FBXO16: variants seen among roughly 807,000 people sequenced by gnomAD.
The protein encoded by FBXO16 is F-box protein 16.
Under a neutral mutation model 41.0 loss-of-function variants are expected in FBXO16, and 31 were observed. The ratio of observed to expected loss-of-function variants is 0.76; its 90% CI spans 0.57 to 1.02. FBXO16 has a LOEUF of 1.02. FBXO16 is among the 50% of genes least tolerant of loss of function. The pLI is 0.00. For synonymous variants in FBXO16, 133 were observed against 117.8 expected (o/e 1.13, Z -0.84); for missense variants, 361 against 346.2 (o/e 1.04, Z -0.34).
At chr8:28,489,525 CAA>C (rs3049787) in intron 1 of FBXO16, among the ~76,000 whole-genome samples, 1,807 of 128,134 alleles carry the variant, frequency 0.014, 26 homozygotes, top group African/African-American at 0.042. Flanking sequence ...CCTATCTCTA[CAA>C]AAAAAAAAAA....
rs777968638 is a variant in FBXO16, at chr8:28,452,312, C to A, written c.672G>T (p.Lys224Asn). Residue 224 changes from lysine to asparagine, a missense_variant, in exon 6 of 9, where the codon AAG (lysine) becomes AAT (asparagine). Lys to Asn is a moderately conservative substitution (Grantham distance 94). Transcript: ENST00000380254. Reference protein sequence around the residue: ...KALPPWRSSDKHPTDIIRFNY... With the variant: ...KALPPWRSSDNHPTDIIRFNY... The stretch of plus-strand genomic sequence containing the variant: ...TAAAACGAATGATATCTGTTGGGTG[C>A]TTATCAGAAGATCGCCAGGGTGGAA... The A allele has an allele frequency of 6.2e-7, 1 of 1,614,172 alleles. No individual in the cohort carries two copies. Among genetic ancestry groups the A allele is most frequent in the Non-Finnish European group, 8.5e-7 (1 of 1,180,032 alleles).
Position 28,463,741 on chromosome 8 carries a change from CT to C in FBXO16, c.212del (p.Lys71SerfsTer61). On this transcript the variant is annotated frameshift_variant, in exon 4 of 9. Coordinates refer to ENST00000380254, the MANE Select transcript of FBXO16 (RefSeq NM_172366.4). LOFTEE classifies it high-confidence loss of function. ...LLERCSLSQQ[K>X]FCCRKLQEKI... Reference sequence around the variant, plus strand: ...TCTCTTGAAGCTTTCGACAGCAGAACTTTTGCTGGGACAGCGAGCAGCGCTC... The same window carrying C: ...TCTCTTGAAGCTTTCGACAGCAGAACTTTGCTGGGACAGCGAGCAGCGCTC... 6.2e-7 allele frequency: 1 copy of C among 1,614,208 alleles called. No homozygotes were observed. Among genetic ancestry groups the C allele is most frequent in the Middle Eastern group, 1.7e-4 (1 of 6,060 alleles).
intron 1 of FBXO16, among the ~76,000 whole-genome samples, chr8:28,488,534 G>A (rs1803639516): frequency 6.6e-6 from 1 of 151,136 alleles, no homozygotes; most frequent in South Asian, 2.1e-4. Flanking sequence ...AAACTTCTGG[G>A]CTCAAGCAAT....
chr8:28,428,589 T>A lies in FBXO16; in HGVS notation c.*138A>T. The A allele has an allele frequency of 6.4e-7, 1 of 1,551,126 alleles. No individual in the cohort carries two copies. Among genetic ancestry groups the A allele is most frequent in the Non-Finnish European group, 8.7e-7 (1 of 1,146,958 alleles). ...GTCCACTTTGGCTCTGGAACCTGGA[T>A]GAGTCATGCTTGGGGCCCAGGGTGC... On this transcript the variant is annotated 3_prime_UTR_variant, in exon 9 of 9. Coordinates refer to ENST00000380254, the MANE Select transcript of FBXO16 (RefSeq NM_172366.4).
chr8:28,448,912 G>A (rs1054739231), intron 6 of FBXO16: 2 of 152,176 alleles, frequency 1.3e-5, no homozygotes, highest in Non-Finnish European at 2.9e-5. Context: ...GAGACCATAT[G>A]CCCTGCAAAG....
chr8:28,463,172 G>A lies in FBXO16; in HGVS notation c.342+440C>T, dbSNP rs183102797. On this transcript the variant is annotated intron_variant, in intron 4 of 8. Coordinates refer to ENST00000380254, the MANE Select transcript of FBXO16 (RefSeq NM_172366.4). ...TATGTTTGTGTGTGTATGTGTGTTT[G>A]TGTGTGTATATGTGTGTATGTTTGT... Among the ~76,000 whole-genome samples, 199 of 151,952 alleles carry A rather than the reference G, an allele frequency of 1.3e-3. 1 individual carries two copies. Among genetic ancestry groups the A allele is most frequent in the African/African-American group, 4.5e-3 (188 of 41,436 alleles).
chr8:28,480,135 G>T (rs1191381211), intron 2 of FBXO16, among the ~76,000 whole-genome samples: 1 of 151,796 alleles, frequency 6.6e-6, no homozygotes, highest in African/African-American at 2.4e-5. Context: ...GTTTCTCCTG[G>T]TCCGTCTATT....
intron 7 of FBXO16, 55 bp downstream of exon 7, chr8:28,447,116 A>G: frequency 3.4e-6 from 5 of 1,478,978 alleles, no homozygotes; most frequent in Non-Finnish European, 4.7e-6. Flanking sequence ...AGGATTAGAG[A>G]TCTGGAGATT....
chr8:28,428,474 G>GA lies in FBXO16; in HGVS notation c.*252dup, dbSNP rs1802559377. Reference sequence around the variant, plus strand: ...CACTACCACAATAAGTACTTAAGCTGAAAGAGTTTCTAATGGGAGCCAAGT... The same window carrying GA: ...CACTACCACAATAAGTACTTAAGCTGAAAAGAGTTTCTAATGGGAGCCAAGT... On this transcript the variant is annotated 3_prime_UTR_variant, in exon 9 of 9. Transcript: ENST00000380254. 3.8e-6 allele frequency: 5 copies of GA among 1,306,078 alleles called. No homozygotes were observed. The East Asian group carries it at 1.3e-4, about 34-fold the overall frequency. 80.9% of individuals were successfully genotyped at this position (1,306,078 alleles called of 1,614,324 possible). A position where few individuals can be genotyped will look rare whatever the true frequency, so the allele number is the denominator to read the frequency against.
intron 4 of FBXO16, among the ~76,000 whole-genome samples, chr8:28,458,708 A>G (rs1161209965): frequency 6.6e-6 from 1 of 151,902 alleles, no homozygotes; most frequent in Non-Finnish European, 1.5e-5. Flanking sequence ...ATGCGCCACT[A>G]TGCCCATCTA....
At chr8:28,458,235 T>C (rs1037071105) in intron 4 of FBXO16, among the ~76,000 whole-genome samples, 4 of 152,350 alleles carry the variant, frequency 2.6e-5, no homozygotes, top group East Asian at 1.9e-4. Context: ...CCACCATTTA[T>C]TGAGTTCCTA....
intron 3 of FBXO16, among the ~76,000 whole-genome samples, chr8:28,470,958 A>G (rs1169861072): frequency 1.3e-5 from 2 of 152,182 alleles, no homozygotes; most frequent in Admixed American, 1.3e-4. Context: ...AAAATGGGTT[A>G]TTATGTTACT....
chr8:28,439,594 C>G (rs1449563648), intron 7 of FBXO16, among the ~76,000 whole-genome samples: 1 of 151,804 alleles, frequency 6.6e-6, no homozygotes, highest in Admixed American at 6.6e-5. Flanking sequence ...CCCCAAAAAC[C>G]ACAATTAGCC....
chr8:28,443,404 C>T (rs76113910), intron 7 of FBXO16, among the ~76,000 whole-genome samples: 3 of 152,010 alleles, frequency 2.0e-5, no homozygotes, highest in Non-Finnish European at 4.4e-5. Context: ...TGATATTAGG[C>T]GTGAGGAATC....
intron 7 of FBXO16, among the ~76,000 whole-genome samples, chr8:28,446,176 C>CTTTTTTTTTTTTTT (rs11421643): frequency 2.4e-5 from 2 of 83,080 alleles, no homozygotes; most frequent in Non-Finnish European, 4.3e-5. Flanking sequence ...TGCATTTTTC[C>CTTTTTTTTTTTTTT]TTTTTTTTTT....
rs112705114 is a variant in FBXO16 at position 28,437,414 on chromosome 8, T to G, written c.844-8011A>C. ...AGTAGCGGGCTCACCTGAGAGTTGA[T>G]TTTGCCCCCAGGATTCTTCCCAGGG... On this transcript the variant is annotated intron_variant, in intron 7 of 8. Transcript: ENST00000380254. Among the ~76,000 whole-genome samples, 286 of 152,292 alleles carry G rather than the reference T, an allele frequency of 1.9e-3. 1 individual carries two copies. The highest frequency in any genetic ancestry group is 0.01 in the Middle Eastern group (3 of 294).
intron 1 of FBXO16, among the ~76,000 whole-genome samples, chr8:28,488,462 ATT>A (rs144491663): frequency 1.8e-4 from 26 of 146,120 alleles, no homozygotes; most frequent in Admixed American, 2.0e-4. Flanking sequence ...CACCTGGCTA[ATT>A]TTTTTTTTTT....
chr8:28,470,206 A>T (rs1400833430), intron 3 of FBXO16, among the ~76,000 whole-genome samples: 1 of 152,132 alleles, frequency 6.6e-6, no homozygotes, highest in African/African-American at 2.4e-5. Flanking sequence ...AAAAAAAAAA[A>T]TAAAGTCATA....
At chr8:28,486,414 G>A (rs1400914293) in intron 1 of FBXO16, among the ~76,000 whole-genome samples, 1 of 151,920 alleles carries the variant, frequency 6.6e-6, no homozygotes, top group Non-Finnish European at 1.5e-5. Flanking sequence ...AGTAGAGACA[G>A]GGTTTCACCA....
Sources: gnomAD v4.1 joint callset for allele counts (sites outside exome capture counted in the v4.1 genomes callset) on GRCh38, gnomAD v4.1.1 for gene constraint, MANE v1.5 for transcripts, NCBI Gene and HGNC (gene_info 2026-07-23, HGNC 2026-07-21) for gene names.